The following FLYWCH2 variants were observed in gnomAD, a reference collection of about 807,000 sequenced individuals.
FLYWCH2 encodes FLYWCH family member 2.
A neutral mutation model predicts 6.0 loss-of-function variants in FLYWCH2; 2 were observed. The observed-to-expected ratio is 0.33, with a 90% CI of 0.14 to 1.04. FLYWCH2 has a LOEUF of 1.04. Ranked by LOEUF, FLYWCH2 falls within the 50% of genes least tolerant of loss-of-function variation. FLYWCH2 has a pLI of 0.45. For synonymous variants in FLYWCH2, 87 were observed against 79.3 expected (o/e 1.10, Z -0.52); for missense variants, 192 against 183.4 (o/e 1.05, Z -0.27).
chr16:2,897,110 G>T (rs190822531), intron 3 of FLYWCH2, among the ~76,000 whole-genome samples: 1 of 152,306 alleles, frequency 6.6e-6, no homozygotes, highest in African/African-American at 2.4e-5. Context: ...TTCGATGAGG[G>T]TCTCTAAGAC....
At chr16:2,891,017 G>C (rs2069751156) in intron 1 of FLYWCH2, among the ~76,000 whole-genome samples, 1 of 152,174 alleles carries the variant, frequency 6.6e-6, no homozygotes, top group Non-Finnish European at 1.5e-5. Flanking sequence ...TATGTATTCA[G>C]TTATTTGTAT....
chr16:2,893,555 T>G (rs1030069268), intron 1 of FLYWCH2, among the ~76,000 whole-genome samples: 1 of 152,166 alleles, frequency 6.6e-6, no homozygotes, highest in African/African-American at 2.4e-5. Context: ...GTCAATAGTT[T>G]AGGTCTGTCT....
In FLYWCH2 at chr16:2,886,820, C is replaced by A. The variant is rs150199643; in HGVS notation, c.-200+3454C>A. Among the ~76,000 whole-genome samples the A allele has an allele frequency of 1.7e-3, 261 of 152,126 alleles. 5 individuals are homozygous for A. The highest frequency in any genetic ancestry group is 5.6e-3 in the African/African-American group (234 of 41,454). On this transcript the variant is annotated intron_variant, in intron 1 of 3. Transcript: ENST00000396958. Reference sequence around the variant, plus strand: ...ACAGGTGTGAGCCACCATGCCCAGCCGCCCATTTTTAAATTGTTTGTTTGT... The same window carrying A: ...ACAGGTGTGAGCCACCATGCCCAGCAGCCCATTTTTAAATTGTTTGTTTGT...
At chr16:2,895,343 G>T (rs76398155) in intron 2 of FLYWCH2, 23 bp downstream of exon 2, 15,869 of 152,470 alleles carry the variant, frequency 0.1, 923 homozygotes, top group African/African-American at 0.15. Flanking sequence ...ACCAGTGGGT[G>T]TGGCCAGGCG....
rs753901232 is a variant in FLYWCH2, at chr16:2,896,585, A to G, written c.136A>G (p.Thr46Ala). The change falls in exon 3 of 4, where the codon ACA becomes GCA. Residue 46 changes from threonine to alanine, a missense_variant. By Grantham distance (58) the Thr-to-Ala change is moderately conservative. Transcript: ENST00000396958. ...AAAGTTCTCCAAACTGGTCCTGCTC[A>G]CAGCCTCCAAAGACAGCACCAAGGT... ...PRKFSKLVLL[T>A]ASKDSTKVAG... is the part of the protein sequence containing the mutation. The G allele has an allele frequency of 2.9e-5, 47 of 1,614,148 alleles. No homozygotes were observed. The South Asian group carries it at 4.9e-4, about 17-fold the overall frequency.
At chr16:2,889,866 C>G (rs975212866) in intron 1 of FLYWCH2, among the ~76,000 whole-genome samples, 2 of 152,112 alleles carry the variant, frequency 1.3e-5, no homozygotes, top group African/African-American at 4.8e-5. Flanking sequence ...AAGCAAATCT[C>G]TTGAGGTCTG....
chr16:2,894,345 G>A (rs1038922767), intron 1 of FLYWCH2, among the ~76,000 whole-genome samples: 2 of 152,208 alleles, frequency 1.3e-5, no homozygotes, highest in African/African-American at 4.8e-5. Context: ...GGACTCGGAC[G>A]TGGGGTCAGG....
chr16:2,896,713 G>A lies in FLYWCH2; in HGVS notation c.264G>A (p.Gln88=). ...KALLQTHPEA[Q]RAIEAAPQEP... is the part of the protein sequence containing the mutation. Reference sequence around the variant, plus strand: ...TCCTCCAGACCCACCCCGAGGCCCAGCGGGCCATTGAGGCAGCCCCTCAGG... The same window carrying A: ...TCCTCCAGACCCACCCCGAGGCCCAACGGGCCATTGAGGCAGCCCCTCAGG... The change falls in exon 3 of 4, where the codon CAG becomes CAA. Residue 88 remains glutamine (Q), a synonymous_variant. Transcript: ENST00000396958. 6.2e-7 allele frequency: 1 copy of A among 1,612,412 alleles called. No homozygotes were observed. Among genetic ancestry groups the A allele is most frequent in the East Asian group, 2.2e-5 (1 of 44,860 alleles).
At chr16:2,892,908 ATATATAT>A (rs1353224676) in intron 1 of FLYWCH2, among the ~76,000 whole-genome samples, 1,712 of 85,348 alleles carry the variant, frequency 0.02, 27 homozygotes, top group African/African-American at 0.07. Context: ...ATGTCATATA[ATATATAT>A]TATATATGTC....
intron 1 of FLYWCH2, among the ~76,000 whole-genome samples, chr16:2,887,318 T>TC: frequency 6.8e-6 from 1 of 148,060 alleles, no homozygotes; most frequent in South Asian, 2.2e-4. Context: ...GCTTTCTTTT[T>TC]TTTTTTTTTT....
rs767747551 is a variant in FLYWCH2 at position 2,896,764 on chromosome 16, G to A, written c.315G>A (p.Gln105=). Reference sequence around the variant, plus strand: ...AGCCTGAGCAGAAACGGAGCAGGCAGGACCCAGGTGAGGCTCCACAGCGGC... The same window carrying A: ...AGCCTGAGCAGAAACGGAGCAGGCAAGACCCAGGTGAGGCTCCACAGCGGC... ...PQEPEQKRSR[Q]DPGTDRTEDS... is the part of the protein sequence containing the mutation. Residue 105 remains glutamine, a synonymous_variant, in exon 3 of 4, where the codon CAG becomes CAA. Transcript: ENST00000396958. 1.2e-6 allele frequency: 2 copies of A among 1,609,546 alleles called. No homozygotes were observed. Among genetic ancestry groups the A allele is most frequent in the Non-Finnish European group, 1.7e-6 (2 of 1,179,688 alleles).
intron 1 of FLYWCH2, among the ~76,000 whole-genome samples, chr16:2,887,329 TTTTGTA>T (rs2069710022): frequency 6.8e-6 from 1 of 146,322 alleles, no homozygotes. Context: ...TTTTTTTTTT[TTTTGTA>T]TTTTTAGTAG....
intron 1 of FLYWCH2, among the ~76,000 whole-genome samples, chr16:2,884,866 C>G (rs919264476): frequency 3.4e-5 from 5 of 148,994 alleles, no homozygotes; most frequent in Non-Finnish European, 6.0e-5. Flanking sequence ...AAGAGCGATA[C>G]TCCGTCTAAA....
chr16:2,893,871 C>T (rs1201534477), intron 1 of FLYWCH2, among the ~76,000 whole-genome samples: 1 of 151,912 alleles, frequency 6.6e-6, no homozygotes, highest in African/African-American at 2.4e-5. Context: ...ATCTCCTGAC[C>T]TTGTGATCCG....
At chr16:2,887,214 C>T (rs932418619) in intron 1 of FLYWCH2, among the ~76,000 whole-genome samples, 1 of 151,826 alleles carries the variant, frequency 6.6e-6, no homozygotes, top group African/African-American at 2.4e-5. Context: ...GGTGCAATCT[C>T]GGCTCACTGC....
rs1008983695 is a variant in FLYWCH2, at chr16:2,899,232, G to C, written c.*83G>C. 32 of 784,954 alleles carry C rather than the reference G, an allele frequency of 4.1e-5. No individual in the cohort carries two copies. Among genetic ancestry groups the C allele is most frequent in the Non-Finnish European group, 6.1e-5 (31 of 511,584 alleles). 48.6% of individuals were successfully genotyped at this position (784,954 alleles called of 1,614,324 possible). A position where few individuals can be genotyped will look rare whatever the true frequency, so the allele number is the denominator to read the frequency against. ...CCGCAGGGCTTCTGGGGCCAAATGG[G>C]TGAATCTTTGCTTTTAACATTGTGT... is the stretch of plus-strand genomic sequence containing the variant. On this transcript the variant is annotated 3_prime_UTR_variant, in exon 4 of 4. Coordinates refer to ENST00000396958, the MANE Select transcript of FLYWCH2 (RefSeq NM_138439.3).
intron 1 of FLYWCH2, among the ~76,000 whole-genome samples, chr16:2,884,368 G>C (rs1023227843): frequency 1.3e-5 from 2 of 152,050 alleles, no homozygotes; most frequent in East Asian, 1.9e-4. Flanking sequence ...CCAGAACATC[G>C]TCAGTGAGGG....
At chr16:2,890,122 G>A (rs1454441290) in intron 1 of FLYWCH2, among the ~76,000 whole-genome samples, 6 of 151,616 alleles carry the variant, frequency 4.0e-5, no homozygotes, top group Non-Finnish European at 8.8e-5. Flanking sequence ...GACTTTATTT[G>A]GATTTCATCA....
intron 1 of FLYWCH2, among the ~76,000 whole-genome samples, chr16:2,887,366 G>T (rs145700989): frequency 7.7e-6 from 1 of 130,460 alleles, no homozygotes; most frequent in Admixed American, 8.8e-5. Context: ...TCGCCATGTT[G>T]CCCAGGCTAG....
Sources: allele counts gnomAD v4.1 joint callset (sites outside exome capture counted in the v4.1 genomes callset), GRCh38; gene constraint gnomAD v4.1.1; transcripts MANE v1.5; gene names NCBI Gene and HGNC (gene_info 2026-07-23, HGNC 2026-07-21).